The following EMG1 variants were observed in gnomAD, a reference collection of about 807,000 sequenced individuals.
EMG1 encodes the protein ribosomal RNA small subunit methyltransferase NEP1.
EMG1 carries 24 observed loss-of-function variants against 26.9 expected under a neutral mutation model. The ratio of observed to expected loss-of-function variants is 0.89; its 90% CI spans 0.65 to 1.26. EMG1 has a LOEUF of 1.26. Ranked by LOEUF, EMG1 falls within the 50% of genes most tolerant of loss-of-function variation. The probability of loss-of-function intolerance (pLI) is 0.00; values close to 1 mark genes in which losing one functional copy is unlikely to be tolerated. For missense variants in EMG1, 299 were observed against 307.6 expected (o/e 0.97, Z 0.21); for synonymous variants, 140 against 112.6 (o/e 1.24, Z -1.54).
downstream of EMG1, chr12:6,980,906 C>G (rs910527819): frequency 1.6e-6 from 2 of 1,257,314 alleles, no homozygotes; most frequent in African/African-American, 1.5e-5. Context: ...ACTCAGGTCT[C>G]TATGCCAGGG....
chr12:6,973,754 C>T (rs1555152590), intron 1 of EMG1, among the ~76,000 whole-genome samples: 2 of 151,668 alleles, frequency 1.3e-5, no homozygotes, highest in African/African-American at 2.4e-5. Flanking sequence ...GTGTTAGCCA[C>T]GATGGTCTCA....
Position 6,987,215 on chromosome 12 carries a change from G to T in EMG1, c.*155-567G>T, listed in dbSNP as rs1344280485. Among the ~76,000 whole-genome samples the T allele has an allele frequency of 6.6e-6, 1 of 152,238 alleles. No individual in the cohort carries two copies. The highest frequency in any genetic ancestry group is 1.5e-5 in the Non-Finnish European group (1 of 68,042). On this transcript the variant is annotated intron_variant and NMD_transcript_variant, in intron 6 of 7. Transcript: ENST00000261406. This position sits in a 1 kb window ranked among gnomAD's most constrained non-coding sequence, Gnocchi z 4.1. Reference sequence around the variant, plus strand: ...AGGCTCAACTGTAATTAATTCTACAGATATCTTATGGATTACTGGCTCATG... The same window carrying T: ...AGGCTCAACTGTAATTAATTCTACATATATCTTATGGATTACTGGCTCATG...
At chr12:6,982,027 C>T (rs1946476504), downstream of EMG1, 1 of 641,240 alleles carries the variant, frequency 1.6e-6, no homozygotes, top group African/African-American at 1.8e-5. Flanking sequence ...TAATAAATTC[C>T]TACAAATGGA....
chr12:6,980,918 C>G, downstream of EMG1: 2 of 1,355,902 alleles, frequency 1.5e-6, no homozygotes, highest in Non-Finnish European at 2.0e-6. Context: ...ATGCCAGGGT[C>G]ATGCTGGAGA....
chr12:6,974,346 A>AGACATAT lies in EMG1; in HGVS notation c.179_185dup (p.Glu62AspfsTer3). The AGACATAT allele has an allele frequency of 6.2e-7, 1 of 1,610,760 alleles. No individual in the cohort carries two copies. Among genetic ancestry groups the AGACATAT allele is most frequent in the Non-Finnish European group, 8.5e-7 (1 of 1,177,434 alleles). ...ATGTTCCCTGTTCTTCAGGTAGGGAAGACATATGAGCTACTCAACTGTGAC... is the reference window on the plus strand; with the variant it reads ...ATGTTCCCTGTTCTTCAGGTAGGGAAGACATATGACATATGAGCTACTCAACTGTGAC... On this transcript the variant is annotated frameshift_variant, in exon 2 of 6. Transcript: ENST00000599672. LOFTEE classifies it high-confidence loss of function.
downstream of EMG1, chr12:6,981,688 G>T: frequency 2.0e-6 from 3 of 1,533,466 alleles, no homozygotes; most frequent in Non-Finnish European, 2.7e-6. Flanking sequence ...TGAGGATGTG[G>T]CCTGTAGACT....
rs1555152837 is a variant in EMG1 at position 6,974,710 on chromosome 12, CAA to C, written c.412+19_412+20del. ...GCCTCATGGGTAAGAAGCCTTAGAA[CAA>C]AGTTAGAATGAACTTGTCAGTAGGG... On this transcript the variant is annotated intron_variant, in intron 3 of 5. Transcript: ENST00000599672. 6.2e-7 allele frequency: 1 copy of C among 1,613,426 alleles called. No individual in the cohort carries two copies. The highest frequency in any genetic ancestry group is 1.3e-5 in the African/African-American group (1 of 74,844).
rs782778398 is a variant in EMG1 at position 6,970,943 on chromosome 12, G to C, written c.20G>C (p.Gly7Ala). The C allele has an allele frequency of 6.2e-7, 1 of 1,613,188 alleles. No individual in the cohort carries two copies. Residue 7 changes from glycine (G) to alanine (A), a missense_variant, in exon 1 of 6, where the codon GGA becomes GCA. Transcript: ENST00000599672. The stretch of plus-strand genomic sequence containing the variant: ...TGCAAGATGGCCGCGCCCAGTGATG[G>C]ATTCAAGCCTCGTGAACGAAGCGGT... MAAPSD[G>A]FKPRERSGGE...
At chr12:6,974,944 C>CT (rs1223730772) in intron 3 of EMG1, 146 bp from the exon 4 acceptor site, 2 of 902,190 alleles carry the variant, frequency 2.2e-6, no homozygotes, top group African/African-American at 1.6e-5. Context: ...TGCTTGGCAA[C>CT]TGTTTGTTCC....
chr12:6,983,617 T>G (rs1555154440), downstream of EMG1: 2 of 864,260 alleles, frequency 2.3e-6, no homozygotes, highest in Non-Finnish European at 3.9e-6. Flanking sequence ...TTATCTGGCA[T>G]GAAACGCAGC....
At chr12:6,974,786 G>A (rs1946373613) in intron 3 of EMG1, 93 bp downstream of exon 3, 8 of 1,274,858 alleles carry the variant, frequency 6.3e-6, no homozygotes, top group Admixed American at 1.9e-5. Context: ...ATTTTTAAGC[G>A]AGAAAATGGG....
Position 6,975,078 on chromosome 12 carries a change from T to C in EMG1, c.413-12T>C. 2 of 1,613,862 alleles carry C rather than the reference T, an allele frequency of 1.2e-6. No homozygotes were observed. Among genetic ancestry groups the C allele is most frequent in the Non-Finnish European group, 1.7e-6 (2 of 1,179,760 alleles). On this transcript the variant is annotated splice_polypyrimidine_tract_variant and intron_variant, in intron 3 of 5. Transcript: ENST00000599672. ...CTCCATCTAGCTCTGAACTCTTTTT[T>C]CCCCCTTCTAGTTCAACTTTTACAC...
At position 6,974,333 on chromosome 12, in the gene EMG1, C is replaced by G; in HGVS notation, c.169-6C>G. On this transcript the variant is annotated splice_region_variant and splice_polypyrimidine_tract_variant and intron_variant, in intron 1 of 5. Coordinates refer to ENST00000599672, the MANE Select transcript of EMG1 (RefSeq NM_006331.8). ...CTGTTCTCTCGTCATGTTCCCTGTT[C>G]TTCAGGTAGGGAAGACATATGAGCT... The G allele has an allele frequency of 4.4e-6, 7 of 1,601,330 alleles. No individual in the cohort carries two copies. Among genetic ancestry groups the G allele is most frequent in the Non-Finnish European group, 6.0e-6 (7 of 1,169,784 alleles).
At chr12:6,995,689 G>A (rs1946630627) in intron 7 of EMG1, among the ~76,000 whole-genome samples, 1 of 151,846 alleles carries the variant, frequency 6.6e-6, no homozygotes, top group Non-Finnish European at 1.5e-5. Flanking sequence ...CCTGCACCAC[G>A]TCTTCCCAGC....
rs1555153823 is a variant in EMG1, at chr12:6,979,676, G to C, written c.*3867G>C. On this transcript the variant is annotated 3_prime_UTR_variant, in exon 6 of 6. Transcript: ENST00000599672. ...TATGGAGAGGAGTGTTTAGGGGTGTGGTTGTCTACCTGGAATGGGATGAGA... is the reference window on the plus strand; with the variant it reads ...TATGGAGAGGAGTGTTTAGGGGTGTCGTTGTCTACCTGGAATGGGATGAGA... 1 of 816,202 alleles carries C rather than the reference G, an allele frequency of 1.2e-6. No homozygotes were observed. The highest frequency in any genetic ancestry group is 2.6e-5 in the East Asian group (1 of 38,712). 50.6% of individuals were successfully genotyped at this position (816,202 alleles called of 1,614,324 possible). A position where few individuals can be genotyped will look rare whatever the true frequency, so the allele number is the denominator to read the frequency against.
rs1441293417 is a variant in EMG1, at chr12:6,987,070, G to A, written c.*155-712G>A. On this transcript the variant is annotated intron_variant and NMD_transcript_variant, in intron 6 of 7. Transcript: ENST00000261406. This position sits in a 1 kb window ranked among gnomAD's most constrained non-coding sequence, Gnocchi z 4.1. ...GGAGGTGGCAGTGAGCTGAGATCAC[G>A]CCATTGCACTCCAGCTTGGGCAACG... Among the ~76,000 whole-genome samples, 2 of 151,686 alleles carry A rather than the reference G, an allele frequency of 1.3e-5. No individual in the cohort carries two copies. Among genetic ancestry groups the A allele is most frequent in the East Asian group, 1.9e-4 (1 of 5,194 alleles).
intron 5 of EMG1, 124 bp downstream of exon 5, chr12:6,975,502 G>A (rs1946384061): frequency 8.7e-7 from 1 of 1,149,978 alleles, no homozygotes; most frequent in Non-Finnish European, 1.2e-6. Flanking sequence ...TCCACACCCT[G>A]CCCCAGGGCA....
Position 6,975,164 on chromosome 12 carries a change from C to G in EMG1, c.471+16C>G. On this transcript the variant is annotated intron_variant, in intron 4 of 5. Coordinates refer to ENST00000599672, the MANE Select transcript of EMG1 (RefSeq NM_006331.8). ...GCTTTTGAAGGTGAGGTATTGAAAC[C>G]TGTTAGTTGAAGGCTGGTTCTGGGA... is the stretch of plus-strand genomic sequence containing the variant. The G allele has an allele frequency of 1.2e-6, 2 of 1,614,012 alleles. No homozygotes were observed. The highest frequency in any genetic ancestry group is 1.7e-6 in the Non-Finnish European group (2 of 1,179,886).
chr12:6,980,277 C>T (rs1405866818), downstream of EMG1, among the ~76,000 whole-genome samples: 1 of 151,400 alleles, frequency 6.6e-6, no homozygotes, highest in Non-Finnish European at 1.5e-5. Flanking sequence ...TCCTGGCCTC[C>T]AGTGATCCTC....
Sources: allele counts gnomAD v4.1 joint callset (sites outside exome capture counted in the v4.1 genomes callset), GRCh38; gene constraint gnomAD v4.1.1; non-coding constraint Gnocchi (gnomAD v3.1); transcripts MANE v1.5; gene names NCBI Gene and HGNC (gene_info 2026-07-23, HGNC 2026-07-21).